CADM2: variants seen among roughly 807,000 people sequenced by gnomAD.
The protein encoded by CADM2 is cell adhesion molecule 2.
CADM2 carries 12 observed loss-of-function variants against 49.8 expected under a neutral mutation model. The observed-to-expected ratio is 0.24, with a 90% CI of 0.15 to 0.39. CADM2 has a LOEUF of 0.39. Ranked by LOEUF, CADM2 falls within the 10% of genes least tolerant of loss-of-function variation. CADM2 has a pLI of 1.00. For synonymous variants in CADM2, 214 were observed against 175.4 expected, an observed-to-expected ratio of 1.22 and a Z score of -1.74; for missense variants, 378 against 492.3, an observed-to-expected ratio of 0.77 and a Z score of 2.20.
intron 6 of CADM2, among the ~76,000 whole-genome samples, chr3:85,915,662 G>T (rs971230383): frequency 1.3e-5 from 2 of 152,078 alleles, no homozygotes; most frequent in Non-Finnish European, 2.9e-5. Context: ...AACTTTCCAT[G>T]AATGAGAAGG....
At chr3:85,016,005 C>T (rs1248957463) in intron 1 of CADM2, among the ~76,000 whole-genome samples, 1 of 152,114 alleles carries the variant, frequency 6.6e-6, no homozygotes, top group Non-Finnish European at 1.5e-5. Flanking sequence ...CTTAGTGCTT[C>T]ATTTGGAAGG....
intron 1 of CADM2, among the ~76,000 whole-genome samples, chr3:85,073,747 T>C (rs1284202602): frequency 6.6e-6 from 1 of 152,068 alleles, no homozygotes; most frequent in Non-Finnish European, 1.5e-5. Context: ...GAAAATGAAA[T>C]TTTTTTCATA....
At chr3:85,935,170 A>G (rs1235237192) in intron 6 of CADM2, among the ~76,000 whole-genome samples, 3 of 152,132 alleles carry the variant, frequency 2.0e-5, no homozygotes, top group East Asian at 1.9e-4. Flanking sequence ...AGTAGCACAT[A>G]TAACAAATGT....
chr3:85,884,511 T>C (rs1257687135), intron 4 of CADM2, among the ~76,000 whole-genome samples: 1 of 152,158 alleles, frequency 6.6e-6, no homozygotes, highest in East Asian at 1.9e-4. Context: ...AATGTATTGT[T>C]CTGTAGAGAG....
intron 1 of CADM2, among the ~76,000 whole-genome samples, chr3:85,335,123 C>T (rs1461296081): frequency 6.6e-6 from 1 of 151,152 alleles, no homozygotes; most frequent in Admixed American, 6.6e-5. Context: ...ACAAATTGTC[C>T]TCTCAAAAAA....
intron 8 of CADM2, 100 bp downstream of exon 8, chr3:85,961,747 G>A (rs1012755331): frequency 1.5e-6 from 1 of 688,518 alleles, no homozygotes; most frequent in Admixed American, 3.6e-5. Flanking sequence ...AAATTATATG[G>A]TTTCTTTTTA....
intron 1 of CADM2, among the ~76,000 whole-genome samples, chr3:85,531,647 T>C (rs1321649681): frequency 6.6e-6 from 1 of 152,176 alleles, no homozygotes; most frequent in African/African-American, 2.4e-5. Flanking sequence ...TCCTCCTAAA[T>C]GTTATATCCA....
At chr3:85,104,853 T>G (rs1035529736) in intron 1 of CADM2, among the ~76,000 whole-genome samples, 1 of 152,198 alleles carries the variant, frequency 6.6e-6, no homozygotes, top group African/African-American at 2.4e-5. Flanking sequence ...AGTTCACTCA[T>G]GATTTGGCTC....
chr3:85,011,863 C>T (rs1576028987), intron 1 of CADM2, among the ~76,000 whole-genome samples: 1 of 151,800 alleles, frequency 6.6e-6, no homozygotes, highest in Non-Finnish European at 1.5e-5. Context: ...CAAAGAAAGA[C>T]CCTGTCTCAA....
At chr3:85,448,201 CG>C (rs1339127666) in intron 1 of CADM2, among the ~76,000 whole-genome samples, 2 of 151,750 alleles carry the variant, frequency 1.3e-5, no homozygotes, top group Non-Finnish European at 2.9e-5. Context: ...GGCGTGGTGG[CG>C]GGCGCCTGTA....
intron 4 of CADM2, 44 bp from the exon 5 acceptor site, chr3:85,886,146 A>G (rs371188579): frequency 2.1e-4 from 332 of 1,605,678 alleles, no homozygotes; most frequent in African/African-American, 8.9e-4. Context: ...TAACAAATCA[A>G]CCCTGAAGAT....
chr3:85,649,394 T>G (rs894359980), intron 1 of CADM2, among the ~76,000 whole-genome samples: 15 of 152,182 alleles, frequency 9.9e-5, no homozygotes, highest in Admixed American at 3.3e-4. Flanking sequence ...AAAATATGGC[T>G]GAGATATGCA....
At chr3:84,967,466 G>A (rs773019329) in intron 1 of CADM2, among the ~76,000 whole-genome samples, 18 of 152,100 alleles carry the variant, frequency 1.2e-4, no homozygotes, top group Non-Finnish European at 1.5e-4. Flanking sequence ...GTAGGCTTAA[G>A]TTTAAATGAG....
chr3:85,329,815 T>C (rs1017593637), intron 1 of CADM2, among the ~76,000 whole-genome samples: 6 of 152,166 alleles, frequency 3.9e-5, no homozygotes, highest in African/African-American at 1.4e-4. Context: ...CTCATGACTA[T>C]TTTTTTGAGA....
At chr3:85,432,996 C>T (rs2036753851) in intron 1 of CADM2, among the ~76,000 whole-genome samples, 1 of 152,028 alleles carries the variant, frequency 6.6e-6, no homozygotes, top group Non-Finnish European at 1.5e-5. Context: ...ATACCAAATT[C>T]TAAGCACCCA....
intron 1 of CADM2, among the ~76,000 whole-genome samples, chr3:85,414,772 G>A (rs1364943192): frequency 6.6e-6 from 1 of 151,994 alleles, no homozygotes; most frequent in Admixed American, 6.6e-5. Context: ...ACTTTACATT[G>A]ACTGACATAT....
chr3:85,417,332 C>G (rs2035961986), intron 1 of CADM2, among the ~76,000 whole-genome samples: 1 of 152,138 alleles, frequency 6.6e-6, no homozygotes, highest in Admixed American at 6.5e-5. Context: ...AGTTTCTATG[C>G]TACTGCTATC....
intron 1 of CADM2, among the ~76,000 whole-genome samples, chr3:85,247,457 C>T (rs2107850762): frequency 6.6e-6 from 1 of 152,188 alleles, no homozygotes; most frequent in East Asian, 1.9e-4. Context: ...CTTTAGGACT[C>T]TTAGAGTTTG....
At chr3:85,787,929 C>T (rs1268700727) in intron 2 of CADM2, among the ~76,000 whole-genome samples, 1 of 152,100 alleles carries the variant, frequency 6.6e-6, no homozygotes, top group East Asian at 1.9e-4. Context: ...TATTTCCTGC[C>T]TCTAGCTCAG....
Sources: allele counts gnomAD v4.1 joint callset (sites outside exome capture counted in the v4.1 genomes callset), GRCh38; gene constraint gnomAD v4.1.1; transcripts MANE v1.5; gene names NCBI Gene and HGNC (gene_info 2026-07-23, HGNC 2026-07-21).